The following FARP1 variants were observed in gnomAD, a reference collection of about 807,000 sequenced individuals.
FARP1 encodes the protein FERM, ARH/RhoGEF and pleckstrin domain protein 1, also known as FERM, ARHGEF and pleckstrin domain-containing protein 1.
A neutral mutation model predicts 128.8 loss-of-function variants in FARP1; 52 were observed. That is an observed-to-expected ratio of 0.40 (90% confidence interval 0.32 to 0.51). The LOEUF (loss-of-function observed/expected upper bound fraction) is 0.51. Among genes scored for constraint, FARP1 ranks in the 20% least tolerant of loss-of-function variants. FARP1 has a pLI of 0.45. For synonymous variants in FARP1, 580 were observed against 551.8 expected, an observed-to-expected ratio of 1.05 and a Z score of -0.72; for missense variants, 1,333 against 1,367.9, an observed-to-expected ratio of 0.97 and a Z score of 0.40.
At chr13:98,242,003 G>A (rs1247773239) in intron 2 of FARP1, among the ~76,000 whole-genome samples, 1 of 152,180 alleles carries the variant, frequency 6.6e-6, no homozygotes, top group African/African-American at 2.4e-5. Context: ...TACTCAGGAG[G>A]CTAAGCCGGG....
intron 2 of FARP1, chr13:98,333,904 C>G (rs1432243830): frequency 6.6e-6 from 1 of 152,040 alleles, no homozygotes; most frequent in African/African-American, 2.4e-5. Context: ...GTCTGCTGTT[C>G]AGCTTTTGAG....
At chr13:98,150,046 CT>C (rs1030457681) in intron 1 of FARP1, among the ~76,000 whole-genome samples, 4 of 144,460 alleles carry the variant, frequency 2.8e-5, no homozygotes, top group Non-Finnish European at 6.1e-5. Context: ...CAAATATTTA[CT>C]TTTTTTTTGA....
chr13:98,311,368 A>C (rs1301055077), intron 2 of FARP1, among the ~76,000 whole-genome samples: 1 of 152,214 alleles, frequency 6.6e-6, no homozygotes, highest in Non-Finnish European at 1.5e-5. Flanking sequence ...AGCAGTTGCC[A>C]AAGTACTAGC....
intron 16 of FARP1, among the ~76,000 whole-genome samples, chr13:98,412,924 C>T (rs1891244341): frequency 6.6e-6 from 1 of 152,168 alleles, no homozygotes; most frequent in South Asian, 2.1e-4. Context: ...TGGGCTGTAT[C>T]CTCACTACCA....
At chr13:98,250,720 CA>C (rs145373844) in intron 2 of FARP1, among the ~76,000 whole-genome samples, 57,243 of 138,962 alleles carry the variant, frequency 0.41, 11,300 homozygotes, top group South Asian at 0.55. Flanking sequence ...GACTCTGTCT[CA>C]AAAAAAAAAA....
intron 2 of FARP1, among the ~76,000 whole-genome samples, chr13:98,308,454 G>A (rs1463606802): frequency 6.6e-6 from 1 of 152,062 alleles, no homozygotes. Flanking sequence ...AAGGGGAATG[G>A]ACGAAGATAG....
chr13:98,211,436 G>A (rs1880699974), intron 1 of FARP1, among the ~76,000 whole-genome samples: 1 of 147,246 alleles, frequency 6.8e-6, no homozygotes, highest in Admixed American at 6.8e-5. Flanking sequence ...CGCAACCATT[G>A]CCTCTACTTT....
intron 2 of FARP1, among the ~76,000 whole-genome samples, chr13:98,284,432 A>T (rs1285319010): frequency 6.6e-6 from 1 of 152,186 alleles, no homozygotes; most frequent in Admixed American, 6.5e-5. Flanking sequence ...CCTAGGCAAC[A>T]AACAAAGCTA....
chr13:98,446,971 C>A (rs1012623895), intron 26 of FARP1, 154 bp downstream of exon 26: 5 of 731,230 alleles, frequency 6.8e-6, no homozygotes, highest in Non-Finnish European at 1.1e-5. Context: ...CACCAGCAGG[C>A]GATTCTGTTC....
intron 2 of FARP1, among the ~76,000 whole-genome samples, chr13:98,278,257 G>C (rs917579617): frequency 1.5e-4 from 23 of 151,438 alleles, no homozygotes; most frequent in African/African-American, 5.6e-4. Context: ...TGTGTGTTGT[G>C]TGTGTATGTG....
At chr13:98,244,611 A>G in intron 2 of FARP1, 1 of 1,614,160 alleles carries the variant, frequency 6.2e-7, no homozygotes, top group South Asian at 1.1e-5. Context: ...AGAGGACAGA[A>G]TTCTCACTCA....
chr13:98,215,982 GC>G (rs1881039569), intron 2 of FARP1, among the ~76,000 whole-genome samples: 1 of 152,094 alleles, frequency 6.6e-6, no homozygotes, highest in Admixed American at 6.6e-5. Context: ...GTAGAGACGG[GC>G]TTTTACCATG....
rs1253867522 is a variant in FARP1, at chr13:98,451,243, C to G, written c.*2926C>G. The G allele has an allele frequency of 6.6e-6, 1 of 152,184 alleles. No individual in the cohort carries two copies. Among genetic ancestry groups the G allele is most frequent in the East Asian group, 1.9e-4 (1 of 5,200 alleles). The allele number at this position is 152,184 out of a possible 1,614,324, so 9.4% of individuals were successfully genotyped here. A position where few individuals can be genotyped will look rare whatever the true frequency, so the allele number is the denominator to read the frequency against. The stretch of plus-strand genomic sequence containing the variant: ...CGGCACACCCTGGGGAACACAGACT[C>G]AATCTGTGTGATTCGCAAGGACAAA... On this transcript the variant is annotated 3_prime_UTR_variant, in exon 27 of 27. Coordinates refer to ENST00000319562, the MANE Select transcript of FARP1 (RefSeq NM_005766.4).
At chr13:98,430,979 T>G (rs1339902985) in intron 17 of FARP1, 64 bp from the exon 18 acceptor site, 1 of 1,016,994 alleles carries the variant, frequency 9.8e-7, no homozygotes, top group East Asian at 2.4e-5. Context: ...CAAGTGAAAC[T>G]GGGCAGAACA....
intron 1 of FARP1, among the ~76,000 whole-genome samples, chr13:98,199,657 A>T (rs1879808273): frequency 6.6e-6 from 1 of 152,232 alleles, no homozygotes; most frequent in Admixed American, 6.5e-5. Flanking sequence ...GGTGTCGATT[A>T]GAGAAGACTT....
In FARP1 at chr13:98,308,516, A is replaced by T. The variant is rs1886295053; in HGVS notation, c.172-35246A>T. On this transcript the variant is annotated intron_variant, in intron 2 of 26. Transcript: ENST00000319562. Reference sequence around the variant, plus strand: ...TGTCCAGGACAGCCTGACGAGCCACATGCACTGGACGGCACCTGAGACATG... The same window carrying T: ...TGTCCAGGACAGCCTGACGAGCCACTTGCACTGGACGGCACCTGAGACATG... 2.0e-5 allele frequency among the ~76,000 whole-genome samples: 3 copies of T among 152,204 alleles called. No homozygotes were observed. The East Asian group carries it at 5.8e-4, about 29-fold the overall frequency.
intron 1 of FARP1, among the ~76,000 whole-genome samples, chr13:98,183,655 G>A (rs1878674717): frequency 6.6e-6 from 1 of 152,142 alleles, no homozygotes; most frequent in African/African-American, 2.4e-5. Context: ...GCCTTTGCCT[G>A]TGTTCTTATT....
chr13:98,353,799 T>G (rs1888535052), intron 3 of FARP1, among the ~76,000 whole-genome samples: 1 of 152,242 alleles, frequency 6.6e-6, no homozygotes, highest in Non-Finnish European at 1.5e-5. Flanking sequence ...TAGCATTTTA[T>G]CTATAGTTAA....
intron 2 of FARP1, among the ~76,000 whole-genome samples, chr13:98,299,540 A>G (rs1885836955): frequency 6.6e-6 from 1 of 152,202 alleles, no homozygotes; most frequent in South Asian, 2.1e-4. Flanking sequence ...GTGTGGAGTT[A>G]TGCTCCTGGG....
Sources: gnomAD v4.1 joint callset for allele counts (sites outside exome capture counted in the v4.1 genomes callset) on GRCh38, gnomAD v4.1.1 for gene constraint, MANE v1.5 for transcripts, NCBI Gene and HGNC (gene_info 2026-07-23, HGNC 2026-07-21) for gene names.